Variants in PPARGC1A observed in about 807,000 individuals in gnomAD.
The protein encoded by PPARGC1A is PPARG coactivator 1 alpha.
PPARGC1A carries 25 observed loss-of-function variants against 88.7 expected under a neutral mutation model. That is an observed-to-expected ratio of 0.28 (90% CI 0.21 to 0.39). The LOEUF is 0.39. PPARGC1A is among the 10% of genes least tolerant of loss of function. The probability of loss-of-function intolerance (pLI) is 1.00; values close to 1 mark genes in which losing one functional copy is unlikely to be tolerated. For missense variants in PPARGC1A, 880 were observed against 968.7 expected, an observed-to-expected ratio of 0.91 and a Z score of 1.22; for synonymous variants, 363 against 355.6, an observed-to-expected ratio of 1.02 and a Z score of -0.24.
chr4:23,838,038 A>G (rs1250565404), intron 2 of PPARGC1A, among the ~76,000 whole-genome samples: 1 of 152,170 alleles, frequency 6.6e-6, no homozygotes, highest in African/African-American at 2.4e-5. Context: ...AACAATCCAG[A>G]GTTGACTACT....
the PPARGC1A span, among the ~76,000 whole-genome samples, chr4:24,014,329 G>GGCAGGCGGCAGCAGGC: frequency 6.6e-6 from 1 of 152,218 alleles, no homozygotes; most frequent in African/African-American, 2.4e-5. Flanking sequence ...ATGCTAAGGA[G>GGCAGGCGGCAGCAGGC]GCAGGCGGCA....
At chr4:24,184,856 G>T in the PPARGC1A span, among the ~76,000 whole-genome samples, 4 of 151,950 alleles carry the variant, frequency 2.6e-5, no homozygotes, top group Non-Finnish European at 5.9e-5. Flanking sequence ...AAAGAGAGAG[G>T]GATAAGAAGC....
At chr4:24,401,225 A>T in the PPARGC1A span, among the ~76,000 whole-genome samples, 1 of 151,796 alleles carries the variant, frequency 6.6e-6, no homozygotes, top group Non-Finnish European at 1.5e-5. Flanking sequence ...TCACCGTGTT[A>T]GCCAGGATGG....
the PPARGC1A span, among the ~76,000 whole-genome samples, chr4:24,406,563 T>G: frequency 1.3e-5 from 2 of 152,182 alleles, no homozygotes; most frequent in East Asian, 3.8e-4. Context: ...GCCAAGAAAT[T>G]GCACTTCGGA....
the PPARGC1A span, among the ~76,000 whole-genome samples, chr4:24,043,329 A>T: frequency 9.8e-5 from 15 of 152,304 alleles, no homozygotes; most frequent in Non-Finnish European, 1.8e-4. Context: ...CAACTTGTTC[A>T]AACTCTTCGA....
At chr4:24,460,342 G>A in the PPARGC1A span, among the ~76,000 whole-genome samples, 1 of 152,060 alleles carries the variant, frequency 6.6e-6, no homozygotes, top group African/African-American at 2.4e-5. Context: ...TAATGATAAT[G>A]ACTAAGAGGA....
At chr4:24,311,529 A>G in the PPARGC1A span, among the ~76,000 whole-genome samples, 1 of 151,608 alleles carries the variant, frequency 6.6e-6, no homozygotes, top group Non-Finnish European at 1.5e-5. Context: ...AATCCCAGCT[A>G]CTCAGGAGGC....
At chr4:24,367,907 C>T in the PPARGC1A span, among the ~76,000 whole-genome samples, 1 of 152,120 alleles carries the variant, frequency 6.6e-6, no homozygotes, top group East Asian at 1.9e-4. Flanking sequence ...ATATGCCAGG[C>T]CCTCCCAGGG....
At chr4:23,839,361 G>A (rs1396886944) in intron 2 of PPARGC1A, among the ~76,000 whole-genome samples, 2 of 152,118 alleles carry the variant, frequency 1.3e-5, no homozygotes, top group Admixed American at 1.3e-4. Context: ...TGGGGGTCAT[G>A]CCTATTTCTC....
chr4:24,153,596 T>C, the PPARGC1A span, among the ~76,000 whole-genome samples: 5 of 152,212 alleles, frequency 3.3e-5, no homozygotes, highest in African/African-American at 1.2e-4. Flanking sequence ...GAAATATTTT[T>C]CTGCCGTTTA....
the PPARGC1A span, among the ~76,000 whole-genome samples, chr4:24,291,395 A>G: frequency 6.6e-6 from 1 of 152,228 alleles, no homozygotes; most frequent in Non-Finnish European, 1.5e-5. Context: ...TAAATGTTAA[A>G]AAGTACTCCT....
the PPARGC1A span, among the ~76,000 whole-genome samples, chr4:24,110,902 G>A: frequency 6.6e-6 from 1 of 152,090 alleles, no homozygotes; most frequent in South Asian, 2.1e-4. Flanking sequence ...AAAGAAACAT[G>A]TCTGAAAACC....
chr4:24,235,516 G>A, the PPARGC1A span, among the ~76,000 whole-genome samples: 1 of 151,962 alleles, frequency 6.6e-6, no homozygotes, highest in East Asian at 1.9e-4. Flanking sequence ...CCCTAAAGTA[G>A]CACTGATGTT....
intron 12 of PPARGC1A, among the ~76,000 whole-genome samples, chr4:23,799,471 G>A (rs562366542): frequency 6.6e-6 from 1 of 152,248 alleles, no homozygotes; most frequent in Admixed American, 6.5e-5. Flanking sequence ...TTTGCCCAAC[G>A]GCAGTGGTAA....
chr4:24,067,592 G>A, the PPARGC1A span, among the ~76,000 whole-genome samples: 2 of 152,328 alleles, frequency 1.3e-5, no homozygotes, highest in Admixed American at 1.3e-4. Flanking sequence ...CGTGGCCAAG[G>A]AAGTGAGCTT....
chr4:24,051,221 A>C, the PPARGC1A span, among the ~76,000 whole-genome samples: 5 of 147,400 alleles, frequency 3.4e-5, no homozygotes, highest in East Asian at 1.0e-3. Context: ...AACCAAACCT[A>C]AACTCTATTC....
chr4:24,163,288 A>C, the PPARGC1A span, among the ~76,000 whole-genome samples: 15 of 151,358 alleles, frequency 9.9e-5, no homozygotes, highest in Admixed American at 2.0e-4. Context: ...CTTATCCAAA[A>C]TTAGTTGTCA....
chr4:24,086,836 T>C, the PPARGC1A span, among the ~76,000 whole-genome samples: 2 of 152,220 alleles, frequency 1.3e-5, no homozygotes, highest in Non-Finnish European at 2.9e-5. Flanking sequence ...ATGTGATTCA[T>C]TTAATCTCCA....
chr4:24,391,876 C>A, the PPARGC1A span, among the ~76,000 whole-genome samples: 4 of 152,086 alleles, frequency 2.6e-5, no homozygotes, highest in African/African-American at 9.7e-5. Context: ...TAGTAAATTG[C>A]TTTCAATGAA....
Sources: gnomAD v4.1 joint callset for allele counts (sites outside exome capture counted in the v4.1 genomes callset) on GRCh38, gnomAD v4.1.1 for gene constraint, MANE v1.5 for transcripts, NCBI Gene and HGNC (gene_info 2026-07-23, HGNC 2026-07-21) for gene names.